Variants in CENPI observed in about 807,000 individuals in gnomAD.
The protein encoded by CENPI is FSH primary response 1.
A neutral mutation model predicts 60.4 loss-of-function variants in CENPI; 4 were observed. That is an observed-to-expected ratio of 0.07 (90% CI 0.03 to 0.15). CENPI has a LOEUF of 0.15. Among genes scored for constraint, CENPI ranks in the 10% least tolerant of loss-of-function variants. The pLI, the probability that CENPI is intolerant of heterozygous loss-of-function variation, is 1.00. For missense variants in CENPI, 444 were observed against 534.5 expected (o/e 0.83, Z 1.67); for synonymous variants, 157 against 189.4 (o/e 0.83, Z 1.40).
chrX:101,163,605 G>A lies in CENPI; in HGVS notation c.*638G>A, dbSNP rs2090129327. 1 of 112,156 alleles carries A rather than the reference G, an allele frequency of 8.9e-6. No individual in the cohort carries two copies. The highest frequency in any genetic ancestry group is 3.7e-4 in the South Asian group (1 of 2,718). 9.2% of individuals were successfully genotyped at this position (112,156 alleles called of 1,213,427 possible). The stretch of plus-strand genomic sequence containing the variant: ...ATTGTATATGTATATGTGTATGTGT[G>A]CGTGTATGTGTGTGTCTGTAGCTTC... On this transcript the variant is annotated 3_prime_UTR_variant, in exon 22 of 22. Transcript: ENST00000682095.
At chrX:101,121,328 G>T (rs935752819) in intron 8 of CENPI, among the ~76,000 whole-genome samples, 6 of 109,982 alleles carry the variant, frequency 5.5e-5, no homozygotes, top group Non-Finnish European at 9.5e-5. Flanking sequence ...CACTCTTTTC[G>T]CCCAGGCTGG....
At chrX:101,103,281 A>C (rs890787343) in intron 4 of CENPI, among the ~76,000 whole-genome samples, 2 of 111,438 alleles carry the variant, frequency 1.8e-5, no homozygotes, top group African/African-American at 6.5e-5. Flanking sequence ...GGTGTGAGCC[A>C]CTGCGCCCAG....
chrX:101,116,809 A>G (rs1035921370), intron 6 of CENPI, among the ~76,000 whole-genome samples: 2 of 111,833 alleles, frequency 1.8e-5, no homozygotes, highest in African/African-American at 6.5e-5. Flanking sequence ...AGCAGTCTAT[A>G]ACAGGGTTCA....
intron 13 of CENPI, among the ~76,000 whole-genome samples, chrX:101,130,375 A>C (rs2089783641): frequency 8.9e-6 from 1 of 111,836 alleles, no homozygotes; most frequent in Non-Finnish European, 1.9e-5. Context: ...TCAAGGCTGC[A>C]GTGAGCCGTA....
intron 20 of CENPI, among the ~76,000 whole-genome samples, chrX:101,151,156 T>G (rs2090003167): frequency 8.9e-6 from 1 of 112,076 alleles, no homozygotes; most frequent in Admixed American, 9.6e-5. Context: ...CCCTGAACTA[T>G]AGGAGGTTAG....
At chrX:101,167,368 CTG>C (rs2090147000), downstream of CENPI, among the ~76,000 whole-genome samples, 1 of 112,000 alleles carries the variant, frequency 8.9e-6, no homozygotes, top group Admixed American at 9.6e-5. Context: ...CTGAACAAGA[CTG>C]ATTTTTTTGC....
At chrX:101,115,024 C>T (rs756747907) in intron 6 of CENPI, among the ~76,000 whole-genome samples, 36 of 108,665 alleles carry the variant, frequency 3.3e-4, no homozygotes, top group Non-Finnish European at 7.6e-5. Flanking sequence ...AGTGCAATGA[C>T]GCGATCTCAG....
chrX:101,174,328 A>C, the CENPI span, among the ~76,000 whole-genome samples: 2 of 111,973 alleles, frequency 1.8e-5, no homozygotes, highest in Non-Finnish European at 3.8e-5. Flanking sequence ...TAAATATCCA[A>C]AAGAAAATAA....
chrX:101,115,859 T>TG (rs2089616811), intron 6 of CENPI, among the ~76,000 whole-genome samples: 1 of 111,985 alleles, frequency 8.9e-6, no homozygotes, highest in Non-Finnish European at 1.9e-5. Flanking sequence ...TATCTGTCTC[T>TG]ATGAATTTGC....
intron 9 of CENPI, 129 bp from the exon 10 acceptor site, chrX:101,127,009 T>A: frequency 1.6e-6 from 1 of 620,787 alleles, no homozygotes; most frequent in Non-Finnish European, 2.4e-6. Flanking sequence ...GAAAAAAAAA[T>A]ACTTTAAGTG....
chrX:101,161,669 C>T, intron 21 of CENPI, 100 bp downstream of exon 21: 1 of 747,613 alleles, frequency 1.3e-6, no homozygotes, highest in Non-Finnish European at 2.0e-6. Context: ...AAGCCTGCTG[C>T]CTCCACAAAG....
At chrX:101,168,772 T>C (rs1376136552), downstream of CENPI, among the ~76,000 whole-genome samples, 1 of 111,682 alleles carries the variant, frequency 9.0e-6, no homozygotes, top group Non-Finnish European at 1.9e-5. Context: ...ACAGGATTAG[T>C]CTAGCCACAT....
chrX:101,175,278 T>C, the CENPI span, among the ~76,000 whole-genome samples: 1 of 112,601 alleles, frequency 8.9e-6, no homozygotes, highest in African/African-American at 3.2e-5. Context: ...ATTGCTTTAC[T>C]CTGTTGATTG....
At chrX:101,154,036 T>C (rs1450580271) in intron 20 of CENPI, among the ~76,000 whole-genome samples, 1 of 112,025 alleles carries the variant, frequency 8.9e-6, no homozygotes, top group African/African-American at 3.2e-5. Flanking sequence ...TTAAAATGTC[T>C]TGGCACCCTT....
intron 20 of CENPI, among the ~76,000 whole-genome samples, chrX:101,150,411 C>G (rs1049361675): frequency 1.8e-5 from 2 of 109,413 alleles, no homozygotes; most frequent in Non-Finnish European, 3.8e-5. Context: ...CTCTCTGTCC[C>G]CCAGGATGGA....
intron 20 of CENPI, among the ~76,000 whole-genome samples, chrX:101,155,234 G>C (rs902383599): frequency 9.0e-6 from 1 of 111,307 alleles, no homozygotes; most frequent in Non-Finnish European, 1.9e-5. Context: ...TTCTTGCCCA[G>C]GCTGGAGTGC....
chrX:101,113,329 GA>G (rs1490344540), intron 6 of CENPI, among the ~76,000 whole-genome samples: 8 of 90,601 alleles, frequency 8.8e-5, no homozygotes, highest in African/African-American at 3.5e-4. Flanking sequence ...ACACAGAGTA[GA>G]TTTTTTTTTT....
In CENPI at chrX:101,132,491, A is replaced by G. The variant is rs1180203425; in HGVS notation, c.1470+35A>G. 2.7e-6 allele frequency: 3 copies of G among 1,091,952 alleles called. No homozygotes were observed. The East Asian group carries it at 9.0e-5, about 33-fold the overall frequency. 90.0% of individuals were successfully genotyped at this position (1,091,952 alleles called of 1,213,427 possible). ...ACTTGTCTTGCTTAGATTCAATAGG[A>G]TGTATTATTCTATTGCTAGTGGTAC... On this transcript the variant is annotated intron_variant, in intron 15 of 21. Transcript: ENST00000682095.
intron 20 of CENPI, among the ~76,000 whole-genome samples, chrX:101,149,745 G>A: frequency 9.0e-6 from 1 of 110,813 alleles, no homozygotes; most frequent in Admixed American, 9.7e-5. Context: ...GACCTCAGGT[G>A]ATCTGCCTGC....
Sources: gnomAD v4.1 joint callset for allele counts (sites outside exome capture counted in the v4.1 genomes callset) on GRCh38, gnomAD v4.1.1 for gene constraint, MANE v1.5 for transcripts, NCBI Gene and HGNC (gene_info 2026-07-23, HGNC 2026-07-21) for gene names.